Variants in LINGO2 observed in about 807,000 individuals in gnomAD.
The protein encoded by LINGO2 is leucine rich repeat and Ig domain containing 2, also known as leucine-rich repeat and immunoglobulin-like domain-containing nogo receptor-interacting protein 2.
Under a neutral mutation model 30.6 loss-of-function variants are expected in LINGO2, and 14 were observed. That is an observed-to-expected ratio of 0.46 (90% CI 0.30 to 0.72). The LOEUF is 0.72. Ranked by LOEUF, LINGO2 falls within the 30% of genes least tolerant of loss-of-function variation. The pLI is 0.07. For synonymous variants in LINGO2, 317 were observed against 288.5 expected (o/e 1.10, Z -1.00); for missense variants, 729 against 751.7 (o/e 0.97, Z 0.35).
At chr9:28,747,531 G>C in the LINGO2 span, among the ~76,000 whole-genome samples, 1 of 152,024 alleles carries the variant, frequency 6.6e-6, no homozygotes, top group African/African-American at 2.4e-5. Flanking sequence ...ACACCCACTT[G>C]GACTTCAGGA....
intron 4 of LINGO2, among the ~76,000 whole-genome samples, chr9:28,062,596 GTATATA>G (rs1825185060): frequency 1.4e-5 from 2 of 141,408 alleles, no homozygotes; most frequent in African/African-American, 5.4e-5. Context: ...TATATATTTT[GTATATA>G]TACAAAATCA....
At chr9:29,065,289 T>C in the LINGO2 span, among the ~76,000 whole-genome samples, 22 of 152,304 alleles carry the variant, frequency 1.4e-4, no homozygotes, top group Admixed American at 1.2e-3. Context: ...GTCCCACTTG[T>C]CAATTTTTGT....
chr9:28,915,934 G>A, the LINGO2 span, among the ~76,000 whole-genome samples: 40 of 152,076 alleles, frequency 2.6e-4, no homozygotes, highest in African/African-American at 9.4e-4. Context: ...AAACGGTCGC[G>A]AATTTCTGGC....
In LINGO2 at chr9:28,537,534, G is replaced by A. The variant is rs116839215; in HGVS notation, c.-364-61509C>T. Among the ~76,000 whole-genome samples the A allele has an allele frequency of 5.2e-3, 791 of 151,452 alleles. 3 individuals carry two copies. Among genetic ancestry groups the A allele is most frequent in the African/African-American group, 0.019 (764 of 41,202 alleles). ...CCTTTTATAAACAGAGAGGAATGCTGGATAAAGTAAATAGAAAAAAAAAAA... is the reference window on the plus strand; with the variant it reads ...CCTTTTATAAACAGAGAGGAATGCTAGATAAAGTAAATAGAAAAAAAAAAA... On this transcript the variant is annotated intron_variant, in intron 1 of 5. Coordinates refer to ENST00000379992, the Ensembl canonical transcript of LINGO2.
chr9:28,140,340 A>C (rs1365064673), intron 4 of LINGO2, among the ~76,000 whole-genome samples: 1 of 152,222 alleles, frequency 6.6e-6, no homozygotes, highest in Admixed American at 6.5e-5. Flanking sequence ...AGTGAACCAG[A>C]TAGGAAATGT....
intron 2 of LINGO2, among the ~76,000 whole-genome samples, chr9:28,471,257 G>C (rs373087476): frequency 6.6e-6 from 1 of 152,188 alleles, no homozygotes; most frequent in African/African-American, 2.4e-5. Flanking sequence ...GTGCATACTA[G>C]CAGTTTCTGG....
the LINGO2 span, among the ~76,000 whole-genome samples, chr9:29,189,336 G>C: frequency 6.6e-6 from 1 of 151,746 alleles, no homozygotes; most frequent in Non-Finnish European, 1.5e-5. Context: ...CTTCCCAGAC[G>C]GGGTGGCTGC....
At chr9:28,347,433 TAC>T (rs3065610) in intron 3 of LINGO2, among the ~76,000 whole-genome samples, 151,081 of 151,538 alleles carry the variant, frequency 1, 75,313 homozygotes, top group Middle Eastern at 1. Context: ...CAGAGAGTGA[TAC>T]ACACACACAC....
the LINGO2 span, among the ~76,000 whole-genome samples, chr9:28,954,461 G>C: frequency 6.6e-6 from 1 of 152,126 alleles, no homozygotes; most frequent in East Asian, 1.9e-4. Flanking sequence ...ACTGTTAAGT[G>C]ACCTGCCATT....
chr9:28,311,151 C>T (rs1015767830), intron 3 of LINGO2, among the ~76,000 whole-genome samples: 2 of 151,194 alleles, frequency 1.3e-5, no homozygotes, highest in African/African-American at 4.8e-5. Context: ...TGATGCCCCC[C>T]GAGCCATAAA....
At chr9:28,731,015 A>C in the LINGO2 span, among the ~76,000 whole-genome samples, 1 of 151,398 alleles carries the variant, frequency 6.6e-6, no homozygotes, top group Non-Finnish European at 1.5e-5. Context: ...TTTGAAACAG[A>C]GTTTCACTCT....
the LINGO2 span, among the ~76,000 whole-genome samples, chr9:28,943,849 T>C: frequency 5.2e-3 from 784 of 152,166 alleles, 5 homozygotes; most frequent in African/African-American, 0.018. Flanking sequence ...GCAATCACAG[T>C]GGCATTCTTT....
chr9:29,020,995 A>T, the LINGO2 span, among the ~76,000 whole-genome samples: 1 of 152,130 alleles, frequency 6.6e-6, no homozygotes, highest in Non-Finnish European at 1.5e-5. Context: ...TTTGAGGCAA[A>T]GGTGTGGAAT....
At chr9:28,038,460 G>A (rs1175905932) in intron 4 of LINGO2, among the ~76,000 whole-genome samples, 1 of 152,114 alleles carries the variant, frequency 6.6e-6, no homozygotes, top group Non-Finnish European at 1.5e-5. Context: ...TTGGGAGGCC[G>A]AGGCGGGCGG....
chr9:28,300,189 CCT>C (rs1259049409), intron 3 of LINGO2, among the ~76,000 whole-genome samples: 1 of 151,334 alleles, frequency 6.6e-6, no homozygotes, highest in Non-Finnish European at 1.5e-5. Flanking sequence ...TGACAAAACC[CCT>C]GATTAGATTA....
chr9:28,007,242 T>C (rs1035390040), intron 5 of LINGO2, among the ~76,000 whole-genome samples: 2 of 152,056 alleles, frequency 1.3e-5, no homozygotes, highest in Admixed American at 6.6e-5. Context: ...ATCGTCCACG[T>C]TAGGAAGTGG....
intron 4 of LINGO2, among the ~76,000 whole-genome samples, chr9:28,227,755 A>C (rs1368556924): frequency 6.6e-6 from 1 of 152,058 alleles, no homozygotes; most frequent in African/African-American, 2.4e-5. Context: ...TTTGGTTACT[A>C]TCCTTTTGGG....
At chr9:28,748,844 T>G in the LINGO2 span, among the ~76,000 whole-genome samples, 1 of 151,950 alleles carries the variant, frequency 6.6e-6, no homozygotes, top group Admixed American at 6.6e-5. Context: ...ACTATAAGAT[T>G]AACAGTAAAT....
chr9:29,058,513 C>T, the LINGO2 span, among the ~76,000 whole-genome samples: 7 of 151,458 alleles, frequency 4.6e-5, no homozygotes, highest in Admixed American at 1.3e-4. Context: ...AACTGGTATA[C>T]AAGAAGGGGT....
Sources: gnomAD v4.1 joint callset for allele counts (sites outside exome capture counted in the v4.1 genomes callset) on GRCh38, gnomAD v4.1.1 for gene constraint, MANE v1.5 for transcripts, NCBI Gene and HGNC (gene_info 2026-07-23, HGNC 2026-07-21) for gene names.